Variants in VPS50 observed in about 807,000 individuals in gnomAD.
VPS50 encodes the protein VPS50 subunit of EARP/GARPII complex.
Under a neutral mutation model 139.7 loss-of-function variants are expected in VPS50, and 70 were observed. The ratio of observed to expected loss-of-function variants is 0.50; its 90% CI spans 0.41 to 0.61. The LOEUF is 0.61. Among genes scored for constraint, VPS50 ranks in the 20% least tolerant of loss-of-function variants. VPS50 has a pLI of 0.00. For synonymous variants in VPS50, 365 were observed against 376.7 expected (o/e 0.97, Z 0.36); for missense variants, 921 against 1,133.7 (o/e 0.81, Z 2.69).
intron 12 of VPS50, among the ~76,000 whole-genome samples, chr7:93,280,874 C>T (rs1220974850): frequency 6.6e-6 from 1 of 151,630 alleles, no homozygotes; most frequent in Admixed American, 6.6e-5. Context: ...AAAATATATG[C>T]TATGTAAAAA....
intron 16 of VPS50, among the ~76,000 whole-genome samples, chr7:93,299,954 G>A (rs549105289): frequency 6.6e-6 from 1 of 152,168 alleles, no homozygotes; most frequent in South Asian, 2.1e-4. Context: ...TGTTTAATAA[G>A]TACATTTTAT....
chr7:93,299,922 C>CA (rs1050520854), intron 16 of VPS50, among the ~76,000 whole-genome samples: 29 of 151,990 alleles, frequency 1.9e-4, no homozygotes, highest in African/African-American at 6.8e-4. Context: ...AATTAGAGAG[C>CA]AATATATAAT....
intron 21 of VPS50, among the ~76,000 whole-genome samples, chr7:93,329,926 A>G (rs532646746): frequency 6.6e-6 from 1 of 152,334 alleles, no homozygotes; most frequent in South Asian, 2.1e-4. Context: ...AAGGGGAATG[A>G]TAACACATGA....
chr7:93,314,859 A>G (rs1363689535), intron 20 of VPS50, among the ~76,000 whole-genome samples: 3 of 152,050 alleles, frequency 2.0e-5, no homozygotes, highest in Non-Finnish European at 4.4e-5. Flanking sequence ...AAGGTCAAAT[A>G]CTAGATGACA....
At chr7:93,288,701 T>C (rs889193781) in intron 12 of VPS50, among the ~76,000 whole-genome samples, 2 of 152,152 alleles carry the variant, frequency 1.3e-5, no homozygotes, top group African/African-American at 2.4e-5. Context: ...TCAGAAGATA[T>C]TATTGTAATA....
At chr7:93,280,678 C>T (rs189940025) in intron 12 of VPS50, among the ~76,000 whole-genome samples, 1 of 151,950 alleles carries the variant, frequency 6.6e-6, no homozygotes, top group Admixed American at 6.6e-5. Context: ...ATTACTTTGG[C>T]AGGCTGATGG....
At chr7:93,351,981 AC>A (rs1165166847) in intron 25 of VPS50, among the ~76,000 whole-genome samples, 1 of 152,118 alleles carries the variant, frequency 6.6e-6, no homozygotes, top group Admixed American at 6.6e-5. Context: ...ATCTGTGATA[AC>A]TTTTGTTCTT....
At chr7:93,264,589 T>C (rs1340506281) in intron 9 of VPS50, among the ~76,000 whole-genome samples, 1 of 152,240 alleles carries the variant, frequency 6.6e-6, no homozygotes, top group Non-Finnish European at 1.5e-5. Flanking sequence ...GCATTAAATG[T>C]CTCATAATCT....
chr7:93,271,839 G>A (rs1236900685), intron 10 of VPS50, among the ~76,000 whole-genome samples: 2 of 151,558 alleles, frequency 1.3e-5, no homozygotes, highest in Non-Finnish European at 3.0e-5. Context: ...ATTTGTATTT[G>A]GTTTCTTCTA....
At chr7:93,252,112 T>A (rs1795353035) in intron 2 of VPS50, among the ~76,000 whole-genome samples, 2 of 152,194 alleles carry the variant, frequency 1.3e-5, no homozygotes, top group Admixed American at 6.5e-5. Context: ...GCAATCCACT[T>A]TGAAGGAAGC....
intron 20 of VPS50, among the ~76,000 whole-genome samples, chr7:93,322,235 C>T (rs951261741): frequency 3.9e-5 from 6 of 152,184 alleles, no homozygotes; most frequent in African/African-American, 1.4e-4. Flanking sequence ...TGATAGTAGA[C>T]ATTTCCTTTG....
At chr7:93,331,495 GT>G (rs917688410) in intron 21 of VPS50, among the ~76,000 whole-genome samples, 9 of 151,850 alleles carry the variant, frequency 5.9e-5, no homozygotes, top group African/African-American at 2.2e-4. Context: ...AGAGAAAATA[GT>G]TTTTTTAGCA....
chr7:93,338,751 T>G (rs979245364), intron 22 of VPS50, among the ~76,000 whole-genome samples: 3 of 152,030 alleles, frequency 2.0e-5, no homozygotes, highest in Non-Finnish European at 4.4e-5. Flanking sequence ...AACCAGGGAG[T>G]GTTATGATCA....
chr7:93,258,733 G>T (rs1795571819), intron 8 of VPS50, among the ~76,000 whole-genome samples: 1 of 151,904 alleles, frequency 6.6e-6, no homozygotes, highest in South Asian at 2.1e-4. Flanking sequence ...CTTTAGTTTT[G>T]TTCAGTATCA....
chr7:93,313,256 A>G (rs1482416800), intron 20 of VPS50, among the ~76,000 whole-genome samples: 4 of 152,186 alleles, frequency 2.6e-5, no homozygotes, highest in Non-Finnish European at 4.4e-5. Context: ...CTTCTGCCGC[A>G]GGAAGCACTG....
At chr7:93,313,252 C>T (rs77868118) in intron 20 of VPS50, among the ~76,000 whole-genome samples, 274 of 152,268 alleles carry the variant, frequency 1.8e-3, no homozygotes, top group African/African-American at 6.3e-3. Flanking sequence ...TATGCTTCTG[C>T]CGCAGGAAGC....
At chr7:93,294,771 C>A in intron 14 of VPS50, 135 bp downstream of exon 14, 1 of 672,544 alleles carries the variant, frequency 1.5e-6, no homozygotes, top group Non-Finnish European at 2.3e-6. Flanking sequence ...TGGAATTAGG[C>A]TATCATTTAA....
chr7:93,330,523 G>T (rs1254364986), intron 21 of VPS50, among the ~76,000 whole-genome samples: 1 of 152,124 alleles, frequency 6.6e-6, no homozygotes. Flanking sequence ...GGAGGCTGAG[G>T]TGGAAGGGTC....
At chr7:93,349,153 G>T (rs1447476975) in intron 24 of VPS50, among the ~76,000 whole-genome samples, 1 of 152,154 alleles carries the variant, frequency 6.6e-6, no homozygotes, top group East Asian at 1.9e-4. Context: ...CTATCTAGAG[G>T]AAGTAATGTT....
Sources: gnomAD v4.1 joint callset for allele counts (sites outside exome capture counted in the v4.1 genomes callset) on GRCh38, gnomAD v4.1.1 for gene constraint, MANE v1.5 for transcripts, NCBI Gene and HGNC (gene_info 2026-07-23, HGNC 2026-07-21) for gene names.